Variants in NELL2 observed in about 807,000 individuals in gnomAD.
The protein encoded by NELL2 is neural EGFL like 2.
NELL2 carries 41 observed loss-of-function variants against 109.6 expected under a neutral mutation model. That is an observed-to-expected ratio of 0.37 (90% confidence interval 0.29 to 0.49). The LOEUF (loss-of-function observed/expected upper bound fraction) is 0.49, where lower values mean the gene tolerates loss of function less well. Among genes scored for constraint, NELL2 ranks in the 20% least tolerant of loss-of-function variants. The pLI, the probability that NELL2 is intolerant of heterozygous loss-of-function variation, is 0.98. For synonymous variants in NELL2, 355 were observed against 344.7 expected (o/e 1.03, Z -0.33); for missense variants, 900 against 1,008.3 (o/e 0.89, Z 1.45).
In NELL2 at chr12:44,750,635, C is replaced by A. The variant is rs549721687; in HGVS notation, c.994+24112G>T. Among the ~76,000 whole-genome samples the A allele has an allele frequency of 1.9e-4, 29 of 152,164 alleles. No individual in the cohort carries two copies. In the South Asian group the frequency reaches 6.0e-3, roughly 32 times the overall value. On this transcript the variant is annotated intron_variant, in intron 9 of 19. Transcript: ENST00000429094. ...TCATGGAAAAGGAATCTTTTTCATT[C>A]TTTTCTCAGCTGCCACTCTCCCAGG... is the stretch of plus-strand genomic sequence containing the variant.
chr12:44,807,809 A>T (rs1200509987), intron 3 of NELL2, among the ~76,000 whole-genome samples: 1 of 152,006 alleles, frequency 6.6e-6, no homozygotes, highest in Non-Finnish European at 1.5e-5. Context: ...CAGAAACGGG[A>T]AGTATGAGAA....
Position 44,768,238 on chromosome 12 carries a change from G to A in NELL2, c.994+6509C>T, listed in dbSNP as rs570081436. ...AGTTTATTAATATATTGCCAATTCG[G>A]TATTTTTCCACTGATTGGACATCAT... On this transcript the variant is annotated intron_variant, in intron 9 of 19. Coordinates refer to ENST00000429094, the MANE Select transcript of NELL2 (RefSeq NM_001145108.2). Among the ~76,000 whole-genome samples, 11 of 152,120 alleles carry A rather than the reference G, an allele frequency of 7.2e-5. No individual in the cohort carries two copies. The East Asian group carries it at 1.9e-3, about 27-fold the overall frequency.
At chr12:44,555,719 C>G (rs1234611621) in intron 15 of NELL2, among the ~76,000 whole-genome samples, 1 of 152,158 alleles carries the variant, frequency 6.6e-6, no homozygotes, top group East Asian at 1.9e-4. Context: ...CAGAAAGCTC[C>G]TTGGGATTTC....
chr12:44,875,272 C>G lies in NELL2; in HGVS notation c.137G>C (p.Arg46Pro), dbSNP rs746400239. 1.2e-6 allele frequency: 2 copies of G among 1,614,086 alleles called. No individual in the cohort carries two copies. The highest frequency in any genetic ancestry group is 1.1e-5 in the South Asian group (1 of 91,070). Reference sequence around the variant, plus strand: ...CCCATTATGCAGCCCCGGGACCTGACGCACTCCGGTCGTGGACTCCCCAAG... The same window carrying G: ...CCCATTATGCAGCCCCGGGACCTGAGGCACTCCGGTCGTGGACTCCCCAAG... ...LELGESTTGV[R>P]QVPGLHNGTK... The change falls in exon 2 of 20, where the codon CGT (arginine) becomes CCT (proline). Residue 46 changes from arginine to proline, a missense_variant. By Grantham distance (103) the Arg-to-Pro change is moderately radical. This residue lies in a region of NELL2 where 200 missense variants were observed against 191.8 expected (regional missense o/e 1.04). Coordinates refer to ENST00000429094, the MANE Select transcript of NELL2 (RefSeq NM_001145108.2).
intron 2 of NELL2, among the ~76,000 whole-genome samples, chr12:44,848,530 G>A (rs1226704187): frequency 6.6e-6 from 1 of 152,096 alleles, no homozygotes; most frequent in Non-Finnish European, 1.5e-5. Flanking sequence ...CACAGGACAA[G>A]ACCCTCTTCT....
chr12:44,559,726 G>A (rs930047915), intron 15 of NELL2, among the ~76,000 whole-genome samples: 4 of 152,044 alleles, frequency 2.6e-5, no homozygotes, highest in African/African-American at 7.2e-5. Context: ...ACACAATAAT[G>A]GTGGGAGACT....
At chr12:44,892,626 T>C (rs1309471134) in intron 1 of NELL2, among the ~76,000 whole-genome samples, 1 of 151,158 alleles carries the variant, frequency 6.6e-6, no homozygotes, top group Non-Finnish European at 1.5e-5. Flanking sequence ...TGAAACCCCA[T>C]CTCTACTAAA....
intron 9 of NELL2, among the ~76,000 whole-genome samples, chr12:44,731,605 TAA>T (rs760798243): frequency 6.6e-6 from 1 of 152,020 alleles, no homozygotes; most frequent in African/African-American, 2.4e-5. Context: ...TTCAACATAA[TAA>T]AAGTCATACA....
chr12:44,515,166 TAAAC>T (rs1400013109), intron 19 of NELL2, among the ~76,000 whole-genome samples: 1 of 151,656 alleles, frequency 6.6e-6, no homozygotes, highest in African/African-American at 2.4e-5. Flanking sequence ...TAAATGTAAA[TAAAC>T]AAAACACTTT....
At chr12:44,556,679 G>T (rs762654278) in intron 15 of NELL2, among the ~76,000 whole-genome samples, 3 of 152,138 alleles carry the variant, frequency 2.0e-5, no homozygotes, top group Non-Finnish European at 4.4e-5. Flanking sequence ...TAGTTCAGGG[G>T]TATAAACATG....
intron 9 of NELL2, among the ~76,000 whole-genome samples, chr12:44,743,266 C>T (rs564100875): frequency 6.6e-6 from 1 of 152,152 alleles, no homozygotes; most frequent in Non-Finnish European, 1.5e-5. Flanking sequence ...GATTTTGTCA[C>T]CACCAGGCCT....
chr12:44,827,410 T>TG (rs1555223817), intron 2 of NELL2, among the ~76,000 whole-genome samples: 1 of 60,008 alleles, frequency 1.7e-5, no homozygotes, highest in Non-Finnish European at 4.6e-5. Flanking sequence ...TTCTTCTAAC[T>TG]GTTTTTTTTT....
chr12:44,629,845 G>GT (rs1044976738), intron 13 of NELL2, among the ~76,000 whole-genome samples: 21 of 152,146 alleles, frequency 1.4e-4, no homozygotes, highest in Admixed American at 9.2e-4. Flanking sequence ...ACCTAGAACC[G>GT]TAAGTTCATA....
chr12:44,668,220 A>G (rs1446598155), intron 12 of NELL2, among the ~76,000 whole-genome samples: 1 of 152,080 alleles, frequency 6.6e-6, no homozygotes, highest in African/African-American at 2.4e-5. Flanking sequence ...TAGATGATGC[A>G]ACACACTGAG....
intron 15 of NELL2, among the ~76,000 whole-genome samples, chr12:44,533,091 A>G (rs1942156679): frequency 6.6e-6 from 1 of 152,154 alleles, no homozygotes; most frequent in African/African-American, 2.4e-5. Flanking sequence ...AGTGTCACTT[A>G]AGCCAGTTAA....
chr12:44,517,252 T>A (rs928573854), intron 19 of NELL2, among the ~76,000 whole-genome samples: 1 of 152,176 alleles, frequency 6.6e-6, no homozygotes, highest in Non-Finnish European at 1.5e-5. Flanking sequence ...ATTTTTTCCT[T>A]AGATCGAGTT....
chr12:44,779,603 C>A, intron 5 of NELL2, 60 bp downstream of exon 5: 2 of 1,351,884 alleles, frequency 1.5e-6, no homozygotes, highest in East Asian at 2.3e-5. Context: ...GTAAAATCTA[C>A]TTTTTGAAAC....
intron 2 of NELL2, among the ~76,000 whole-genome samples, chr12:44,858,977 T>C (rs1944761097): frequency 6.6e-6 from 1 of 152,218 alleles, no homozygotes; most frequent in South Asian, 2.1e-4. Context: ...ACTCAATACT[T>C]GATTTTACTC....
At chr12:44,576,153 A>C (rs2136202479) in intron 15 of NELL2, among the ~76,000 whole-genome samples, 1 of 152,286 alleles carries the variant, frequency 6.6e-6, no homozygotes, top group South Asian at 2.1e-4. Flanking sequence ...TCTCAATTCA[A>C]ACCAATGACC....
Sources: allele counts gnomAD v4.1 joint callset (sites outside exome capture counted in the v4.1 genomes callset), GRCh38; gene constraint gnomAD v4.1.1; regional missense constraint gnomAD v4.1.1; transcripts MANE v1.5; gene names NCBI Gene and HGNC (gene_info 2026-07-23, HGNC 2026-07-21).